PAX2: variants seen among roughly 807,000 people sequenced by gnomAD.
PAX2 encodes paired box 2, also known as paired box protein Pax-2.
Under a neutral mutation model 41.7 loss-of-function variants are expected in PAX2, and 9 were observed. That is an observed-to-expected ratio of 0.22 (90% CI 0.13 to 0.38). PAX2 has a LOEUF of 0.38. Among genes scored for constraint, PAX2 ranks in the 10% least tolerant of loss-of-function variants. The probability of loss-of-function intolerance (pLI) is 1.00; values close to 1 mark genes in which losing one functional copy is unlikely to be tolerated. For synonymous variants in PAX2, 221 were observed against 212.7 expected, an observed-to-expected ratio of 1.04 and a Z score of -0.34; for missense variants, 418 against 531.6, an observed-to-expected ratio of 0.79 and a Z score of 2.10.
intron 5 of PAX2, among the ~76,000 whole-genome samples, chr10:100,804,530 G>A (rs1172893403): frequency 6.6e-6 from 1 of 152,156 alleles, no homozygotes; most frequent in African/African-American, 2.4e-5. Flanking sequence ...AAACACAATA[G>A]GACACGCAAA....
chr10:100,749,298 C>T, intron 1 of PAX2: 3 of 1,000,272 alleles, frequency 3.0e-6, no homozygotes, highest in Non-Finnish European at 3.6e-6. Flanking sequence ...AAATCGTCCG[C>T]CTCCAAGCCC....
At position 100,746,029 on chromosome 10, in the gene PAX2, C is replaced by A. The variant is rs1589805733; in HGVS notation, c.-232C>A. The A allele has an allele frequency of 7.0e-7, 1 of 1,432,470 alleles. No individual in the cohort carries two copies. The highest frequency in any genetic ancestry group is 9.1e-7 in the Non-Finnish European group (1 of 1,100,210). The allele number at this position is 1,432,470 out of a possible 1,614,324, so 88.7% of individuals were successfully genotyped here. On this transcript the variant is annotated 5_prime_UTR_variant, in exon 1 of 10. Transcript: ENST00000355243. Reference sequence around the variant, plus strand: ...ATTCTGCTGACCGCCCAGCCCCGAGCCCCGACAGTGGCAAGTTGCGGCTAC... The same window carrying A: ...ATTCTGCTGACCGCCCAGCCCCGAGACCCGACAGTGGCAAGTTGCGGCTAC...
chr10:100,802,602 C>G (rs1054906584), intron 5 of PAX2, among the ~76,000 whole-genome samples: 1 of 152,220 alleles, frequency 6.6e-6, no homozygotes, highest in Non-Finnish European at 1.5e-5. Context: ...AGTCCCAAAA[C>G]CTTCTGCCAG....
At chr10:100,797,372 G>C (rs75771476) in intron 5 of PAX2, among the ~76,000 whole-genome samples, 2,678 of 152,302 alleles carry the variant, frequency 0.018, 96 homozygotes, top group African/African-American at 0.062. Context: ...ATGTTGCCAG[G>C]GTTGAGTTCT....
At chr10:100,792,424 C>T (rs1847160242) in intron 5 of PAX2, among the ~76,000 whole-genome samples, 1 of 152,176 alleles carries the variant, frequency 6.6e-6, no homozygotes, top group African/African-American at 2.4e-5. Flanking sequence ...GTTGCTTGCC[C>T]CTATGGCTTC....
At chr10:100,779,679 T>A (rs1391194637) in intron 4 of PAX2, 96 bp downstream of exon 4, 1 of 934,458 alleles carries the variant, frequency 1.1e-6, no homozygotes, top group African/African-American at 1.6e-5. Context: ...CCGCTTGAGG[T>A]CCAGAGCCCA....
chr10:100,735,668 C>T, exon 1 of PAX2: 3 of 1,059,650 alleles, frequency 2.8e-6, no homozygotes, highest in Non-Finnish European at 3.4e-6. Flanking sequence ...GCGGGACAGC[C>T]AGACCCAGCC....
Position 100,805,545 on chromosome 10 carries a change from A to G in PAX2, c.617-885A>G, listed in dbSNP as rs1589879992. 3.3e-5 allele frequency among the ~76,000 whole-genome samples: 5 copies of G among 152,268 alleles called. No individual in the cohort carries two copies. In the South Asian group the frequency reaches 1.0e-3, roughly 32 times the overall value. On this transcript the variant is annotated intron_variant, in intron 5 of 9. Transcript: ENST00000355243. ...AAGGAACCGACGCTGGGAGGCAAGG[A>G]TAGGGGAGGGCTGAGAACGCCTGAG...
At chr10:100,741,957 G>A (rs1837405597), upstream of PAX2, among the ~76,000 whole-genome samples, 2 of 152,342 alleles carry the variant, frequency 1.3e-5, no homozygotes, top group Middle Eastern at 3.4e-3. Context: ...TCCCCGGGAA[G>A]TGGAAGGAGG....
At chr10:100,797,588 T>A (rs948979143) in intron 5 of PAX2, among the ~76,000 whole-genome samples, 5 of 152,376 alleles carry the variant, frequency 3.3e-5, no homozygotes, top group Non-Finnish European at 4.4e-5. Context: ...AAGGATTACA[T>A]CAGTGCATGC....
chr10:100,800,751 G>A (rs1344922289), intron 5 of PAX2, among the ~76,000 whole-genome samples: 1 of 152,154 alleles, frequency 6.6e-6, no homozygotes, highest in Non-Finnish European at 1.5e-5. Context: ...GCCCTGACCT[G>A]GGGTGAGAGG....
chr10:100,738,044 C>T (rs1057122020), intron 1 of PAX2, among the ~76,000 whole-genome samples: 5 of 152,216 alleles, frequency 3.3e-5, no homozygotes, highest in African/African-American at 9.7e-5. Flanking sequence ...TATTCGATGC[C>T]CTCCCTTTTT....
chr10:100,799,889 A>G (rs1485056050), intron 5 of PAX2, among the ~76,000 whole-genome samples: 1 of 143,362 alleles, frequency 7.0e-6, no homozygotes, highest in Non-Finnish European at 1.5e-5. Flanking sequence ...GGTTCAAGCG[A>G]TTCTCCTGCC....
intron 3 of PAX2, among the ~76,000 whole-genome samples, chr10:100,768,796 C>G (rs1214690878): frequency 6.6e-6 from 1 of 152,132 alleles, no homozygotes; most frequent in East Asian, 1.9e-4. Context: ...AAAATAAACA[C>G]CAACCAAACA....
intron 3 of PAX2, among the ~76,000 whole-genome samples, chr10:100,765,602 C>T (rs574072853): frequency 1.8e-4 from 28 of 152,266 alleles, no homozygotes; most frequent in East Asian, 7.7e-4. Flanking sequence ...TCTTGTAGTA[C>T]GAAACAAGTC....
chr10:100,773,895 C>G (rs917331893), intron 3 of PAX2, among the ~76,000 whole-genome samples: 1 of 152,162 alleles, frequency 6.6e-6, no homozygotes, highest in Admixed American at 6.5e-5. Context: ...CTATTTCCAC[C>G]CCTGAGCCTG....
At chr10:100,768,154 G>A (rs552473407) in intron 3 of PAX2, among the ~76,000 whole-genome samples, 25 of 151,996 alleles carry the variant, frequency 1.6e-4, no homozygotes, top group Non-Finnish European at 3.2e-4. Context: ...GTAGAGTCTC[G>A]CTGTAGTTTA....
At chr10:100,755,618 G>A (rs745843584) in intron 3 of PAX2, among the ~76,000 whole-genome samples, 2 of 152,188 alleles carry the variant, frequency 1.3e-5, no homozygotes, top group Non-Finnish European at 2.9e-5. Context: ...GGGCAAAGGA[G>A]GCTGCGTGGA....
intron 5 of PAX2, 144 bp from the exon 6 acceptor site, chr10:100,806,286 C>T (rs768813768): frequency 1.2e-6 from 1 of 821,620 alleles, no homozygotes; most frequent in Non-Finnish European, 2.0e-6. Flanking sequence ...GTCAGCCCCA[C>T]TGGCCCAGGG....
Sources: gnomAD v4.1 joint callset for allele counts (sites outside exome capture counted in the v4.1 genomes callset) on GRCh38, gnomAD v4.1.1 for gene constraint, MANE v1.5 for transcripts, NCBI Gene and HGNC (gene_info 2026-07-23, HGNC 2026-07-21) for gene names.